P2RX7: variants seen among roughly 807,000 people sequenced by gnomAD.
P2RX7 encodes the protein P2X purinoceptor 7.
P2RX7 carries 62 observed loss-of-function variants against 71.6 expected under a neutral mutation model. That is an observed-to-expected ratio of 0.87 (90% CI 0.71 to 1.07). The LOEUF (loss-of-function observed/expected upper bound fraction) is 1.07, where lower values mean the gene tolerates loss of function less well. P2RX7 is among the 50% of genes least tolerant of loss of function. P2RX7 has a pLI of 0.00. For synonymous variants in P2RX7, 299 were observed against 283.3 expected (o/e 1.06, Z -0.56); for missense variants, 686 against 748.5 (o/e 0.92, Z 0.97).
At chr12:121,152,122 G>A (rs71454680) in intron 1 of P2RX7, among the ~76,000 whole-genome samples, 7,396 of 152,052 alleles carry the variant, frequency 0.049, 222 homozygotes, top group South Asian at 0.078. Context: ...TGGGATTACA[G>A]GCGCACACCA....
chr12:121,184,269 G>T, intron 12 of P2RX7, 36 bp from the exon 13 acceptor site: 2 of 1,540,304 alleles, frequency 1.3e-6, no homozygotes, highest in Middle Eastern at 1.7e-4. Flanking sequence ...CTGAGGGCTT[G>T]TCATGGCTAA....
At chr12:121,145,488 G>A (rs376834034) in intron 1 of P2RX7, among the ~76,000 whole-genome samples, 4 of 149,354 alleles carry the variant, frequency 2.7e-5, no homozygotes, top group Admixed American at 2.0e-4. Flanking sequence ...GTGATGACTC[G>A]CCCTTTCTTT....
chr12:121,180,705 G>T (rs1565978727), intron 12 of P2RX7, among the ~76,000 whole-genome samples: 1 of 152,014 alleles, frequency 6.6e-6, no homozygotes, highest in Non-Finnish European at 1.5e-5. Context: ...GCTCACACCT[G>T]CAATCCCAGC....
chr12:121,175,317 A>AAAAAAAAAAC (rs1882906418), intron 8 of P2RX7, 71 bp from the exon 9 acceptor site: 6 of 925,624 alleles, frequency 6.5e-6, no homozygotes, highest in Non-Finnish European at 1.0e-5. Context: ...TCTCAAAAAA[A>AAAAAAAAAAC]AAAAAAAAAA....
At chr12:121,165,994 G>C (rs1313120836) in intron 6 of P2RX7, 64 bp from the exon 7 acceptor site, 1 of 1,544,388 alleles carries the variant, frequency 6.5e-7, no homozygotes, top group Non-Finnish European at 8.8e-7. Flanking sequence ...TCACTCCTGG[G>C]AAAGAGACAG....
intron 2 of P2RX7, chr12:121,155,445 T>C (rs1481447078): frequency 1.7e-6 from 2 of 1,188,154 alleles, no homozygotes; most frequent in Non-Finnish European, 2.2e-6. Context: ...AGAGAAGGCG[T>C]GTGACTTCTA....
intron 8 of P2RX7, among the ~76,000 whole-genome samples, 196 bp downstream of exon 8, chr12:121,167,820 T>A (rs1593105719): frequency 6.6e-6 from 1 of 151,452 alleles, no homozygotes; most frequent in East Asian, 1.9e-4. Context: ...TTTACTTATT[T>A]TTTTTTTTTT....
In P2RX7 at chr12:121,136,023, A is replaced by AAAAAAAAAATATATATAT; in HGVS notation, c.125+2929_125+2930insAAAAAAAATATATATATA. ...TGTCTCAAAAAAAAAAAAAAAAAAA[A>AAAAAAAAAATATATATAT]ATATATATATATATATATAGTATTT... On this transcript the variant is annotated intron_variant, in intron 1 of 12. Coordinates refer to ENST00000328963, the MANE Select transcript of P2RX7 (RefSeq NM_002562.6). Among the ~76,000 whole-genome samples, 36 of 15,238 alleles carry AAAAAAAAAATATATATAT rather than the reference A, an allele frequency of 2.4e-3. 1 individual carries two copies. Among genetic ancestry groups the AAAAAAAAAATATATATAT allele is most frequent in the East Asian group, 3.9e-3 (1 of 256 alleles). 10.0% of individuals were successfully genotyped at this position (15,238 alleles called of 152,430 possible).
At chr12:121,169,371 AT>A (rs1383692641) in intron 8 of P2RX7, among the ~76,000 whole-genome samples, 1 of 152,134 alleles carries the variant, frequency 6.6e-6, no homozygotes, top group Non-Finnish European at 1.5e-5. Flanking sequence ...CCTTCTGTCC[AT>A]TCTACTGTAT....
At position 121,154,716 on chromosome 12, in the gene P2RX7, C is replaced by T; in HGVS notation, c.126-69C>T. Reference sequence around the variant, plus strand: ...GGATTGGAACAGAAGTGCCTGCATCCTCCAACGCCTGCATCCCAACCCGCT... The same window carrying T: ...GGATTGGAACAGAAGTGCCTGCATCTTCCAACGCCTGCATCCCAACCCGCT... On this transcript the variant is annotated intron_variant, in intron 1 of 12. Coordinates refer to ENST00000328963, the MANE Select transcript of P2RX7 (RefSeq NM_002562.6). This position sits in a 1 kb window ranked among gnomAD's most constrained non-coding sequence, Gnocchi z 4.2. 2 of 993,180 alleles carry T rather than the reference C, an allele frequency of 2.0e-6. No individual in the cohort carries two copies. Among genetic ancestry groups the T allele is most frequent in the Admixed American group, 1.7e-5 (1 of 59,210 alleles). 61.5% of individuals were successfully genotyped at this position (993,180 alleles called of 1,614,324 possible).
chr12:121,152,504 CTTTG>C (rs2136033590), intron 1 of P2RX7, among the ~76,000 whole-genome samples: 1 of 151,800 alleles, frequency 6.6e-6, no homozygotes, highest in South Asian at 2.1e-4. Context: ...AATTTTTGTT[CTTTG>C]TTTTTTGTTT....
intron 3 of P2RX7, among the ~76,000 whole-genome samples, chr12:121,156,658 G>A (rs981567227): frequency 6.6e-6 from 1 of 152,146 alleles, no homozygotes; most frequent in African/African-American, 2.4e-5. Context: ...ACAGTGAACT[G>A]TCTGCAGGGC....
intron 1 of P2RX7, among the ~76,000 whole-genome samples, chr12:121,150,058 G>T (rs542300662): frequency 1.2e-4 from 19 of 152,276 alleles, no homozygotes; most frequent in South Asian, 6.2e-4. Context: ...ACCTGGAGGG[G>T]TGACATGGCT....
chr12:121,134,376 T>C (rs1873056835), intron 1 of P2RX7, among the ~76,000 whole-genome samples: 1 of 152,140 alleles, frequency 6.6e-6, no homozygotes, highest in Non-Finnish European at 1.5e-5. Context: ...TCTGTCTTTT[T>C]GGGTTTTGTT....
chr12:121,156,296 C>T (rs1343338891), intron 3 of P2RX7, 149 bp downstream of exon 3: 3 of 647,710 alleles, frequency 4.6e-6, no homozygotes, highest in Non-Finnish European at 8.4e-6. Flanking sequence ...TAGGGCTGGG[C>T]TGAGTGGAGG....
At chr12:121,151,305 T>C (rs1391939255) in intron 1 of P2RX7, among the ~76,000 whole-genome samples, 1 of 151,950 alleles carries the variant, frequency 6.6e-6, no homozygotes, top group Non-Finnish European at 1.5e-5. Flanking sequence ...TGGAGTGCAG[T>C]GGCGCCATCT....
chr12:121,172,329 A>C (rs1882353003), intron 8 of P2RX7, among the ~76,000 whole-genome samples: 1 of 152,234 alleles, frequency 6.6e-6, no homozygotes, highest in African/African-American at 2.4e-5. Flanking sequence ...CTTGCTTGCG[A>C]ATTAAAAAAC....
chr12:121,167,020 C>G (rs951915995), intron 7 of P2RX7, among the ~76,000 whole-genome samples: 4 of 150,774 alleles, frequency 2.7e-5, no homozygotes, highest in Non-Finnish European at 5.9e-5. Context: ...CCACTGCACT[C>G]CAGCCTAGGT....
In P2RX7 at chr12:121,184,324, C is replaced by A. The variant is rs201797110; in HGVS notation, c.1310C>A (p.Thr437Lys). 6.2e-7 allele frequency: 1 copy of A among 1,608,866 alleles called. No individual in the cohort carries two copies. Among genetic ancestry groups the A allele is most frequent in the South Asian group, 1.1e-5 (1 of 90,706 alleles). Residue 437 changes from threonine (T) to lysine (K), a missense_variant, in exon 13 of 13, where the codon ACA becomes AAA. Physicochemically the swap from Thr to Lys is moderately conservative, Grantham distance 78. Coordinates refer to ENST00000328963, the MANE Select transcript of P2RX7 (RefSeq NM_002562.6). Reference protein sequence around the residue: ...QEVPRPAMDFTDLSRLPLALH... With the variant: ...QEVPRPAMDFKDLSRLPLALH... Reference sequence around the variant, plus strand: ...TTTCAGAGACCTGCGATGGACTTCACAGATTTGTCCAGGCTGCCCCTGGCC... The same window carrying A: ...TTTCAGAGACCTGCGATGGACTTCAAAGATTTGTCCAGGCTGCCCCTGGCC...
Sources: allele counts gnomAD v4.1 joint callset (sites outside exome capture counted in the v4.1 genomes callset), GRCh38; gene constraint gnomAD v4.1.1; non-coding constraint Gnocchi (gnomAD v3.1); transcripts MANE v1.5; gene names NCBI Gene and HGNC (gene_info 2026-07-23, HGNC 2026-07-21).